Variants in FGD4 observed in about 807,000 individuals in gnomAD.
The protein encoded by FGD4 is FYVE, RhoGEF and PH domain-containing protein 4.
A neutral mutation model predicts 102.0 loss-of-function variants in FGD4; 42 were observed. That is an observed-to-expected ratio of 0.41 (90% CI 0.32 to 0.53). The LOEUF is 0.53. FGD4 is among the 20% of genes least tolerant of loss of function. The pLI, the probability that FGD4 is intolerant of heterozygous loss-of-function variation, is 0.21. For synonymous variants in FGD4, 380 were observed against 375.7 expected (o/e 1.01, Z -0.13); for missense variants, 902 against 1,078.2 (o/e 0.84, Z 2.29).
At chr12:32,429,782 C>G (rs1420294825) in intron 1 of FGD4, among the ~76,000 whole-genome samples, 1 of 152,150 alleles carries the variant, frequency 6.6e-6, no homozygotes, top group Non-Finnish European at 1.5e-5. Flanking sequence ...TGCTAATTAG[C>G]ATACATAATT....
chr12:32,483,717 ATCT>A (rs1943822069), intron 1 of FGD4, among the ~76,000 whole-genome samples: 1 of 152,150 alleles, frequency 6.6e-6, no homozygotes, highest in South Asian at 2.1e-4. Flanking sequence ...CTCATTTGAC[ATCT>A]TCACTCCAGC....
chr12:32,617,574 C>T (rs577131218), intron 10 of FGD4, among the ~76,000 whole-genome samples: 15 of 152,342 alleles, frequency 9.8e-5, no homozygotes, highest in African/African-American at 3.6e-4. Flanking sequence ...CAACCTAGGA[C>T]TTCTAGAAAT....
intron 1 of FGD4, among the ~76,000 whole-genome samples, chr12:32,453,241 T>A (rs1387428847): frequency 0.045 from 3,173 of 70,414 alleles, 131 homozygotes; most frequent in African/African-American, 0.11. Flanking sequence ...ATATATATTT[T>A]TTTTTTTTTA....
intron 1 of FGD4, among the ~76,000 whole-genome samples, chr12:32,496,630 G>T: frequency 6.6e-6 from 1 of 152,106 alleles, no homozygotes. Context: ...ACGTATTTTA[G>T]ATTTGTTAAT....
At chr12:32,409,318 C>T (rs2253235) in intron 1 of FGD4, among the ~76,000 whole-genome samples, 69,013 of 145,150 alleles carry the variant, frequency 0.48, 17,690 homozygotes, top group African/African-American at 0.68. Flanking sequence ...GTTGAAGTCT[C>T]ACTCTTGTCC....
At chr12:32,466,388 A>G (rs1381631221) in intron 1 of FGD4, among the ~76,000 whole-genome samples, 2 of 152,112 alleles carry the variant, frequency 1.3e-5, no homozygotes, top group Non-Finnish European at 2.9e-5. Flanking sequence ...AGGACAGCCA[A>G]TGATGCAAAA....
At chr12:32,610,109 T>TA (rs746210705) in intron 8 of FGD4, among the ~76,000 whole-genome samples, 3 of 152,226 alleles carry the variant, frequency 2.0e-5, no homozygotes, top group Admixed American at 6.5e-5. Context: ...CTCATACAAC[T>TA]AGTAAAATAC....
At chr12:32,598,105 T>G (rs1405874763) in intron 4 of FGD4, among the ~76,000 whole-genome samples, 7 of 152,198 alleles carry the variant, frequency 4.6e-5, no homozygotes. Flanking sequence ...AATAAAATAT[T>G]TTTTAAAAAT....
rs764833051 is a variant in FGD4 at position 32,601,369 on chromosome 12, A to G, written c.1193A>G (p.Asn398Ser). 1 of 1,614,172 alleles carries G rather than the reference A, an allele frequency of 6.2e-7. No homozygotes were observed. Among genetic ancestry groups the G allele is most frequent in the Non-Finnish European group, 8.5e-7 (1 of 1,180,012 alleles). ...NKIFSNISSI[N>S]AFHSKFLLPE... is the part of the protein sequence containing the mutation. ...ATCTTTTCTAATATTTCATCAATAA[A>G]TGCCTTCCATAGTAAATTCCTCTTG... The change falls in exon 6 of 17, where the codon AAT becomes AGT. Residue 398 changes from asparagine (N) to serine (S), a missense_variant. Physicochemically the swap from Asn to Ser is conservative, Grantham distance 46. Around this residue, in one of 2 missense-constraint regions of FGD4, gnomAD observed 459 missense variants for 619.0 expected, o/e 0.74. Coordinates refer to ENST00000534526, the MANE Select transcript of FGD4 (RefSeq NM_001370298.3).
chr12:32,502,265 A>G, intron 1 of FGD4: 1 of 985,470 alleles, frequency 1.0e-6, no homozygotes, highest in Admixed American at 6.1e-5. Flanking sequence ...GCTCGCTGGA[A>G]GAACAAATGA....
chr12:32,433,868 A>T (rs2062603), intron 1 of FGD4, among the ~76,000 whole-genome samples: 59,397 of 150,858 alleles, frequency 0.39, 12,211 homozygotes, highest in African/African-American at 0.5. Flanking sequence ...TATTATTATT[A>T]TTTTTTGAGA....
chr12:32,410,526 T>C (rs565275622), intron 1 of FGD4, among the ~76,000 whole-genome samples: 1 of 152,086 alleles, frequency 6.6e-6, no homozygotes, highest in Non-Finnish European at 1.5e-5. Flanking sequence ...TTGCAGGGCA[T>C]TGTCTTGAAT....
chr12:32,583,689 G>A (rs1946791263), intron 4 of FGD4, among the ~76,000 whole-genome samples: 1 of 152,180 alleles, frequency 6.6e-6, no homozygotes, highest in South Asian at 2.1e-4. Context: ...TGATTTGCTG[G>A]TGAAACATAT....
intron 10 of FGD4, among the ~76,000 whole-genome samples, chr12:32,618,055 C>T (rs899122077): frequency 6.6e-6 from 1 of 152,176 alleles, no homozygotes; most frequent in African/African-American, 2.4e-5. Context: ...GAGAAACATA[C>T]ACATTTATAA....
Position 32,607,996 on chromosome 12 carries a change from A to C in FGD4, c.1444A>C (p.Met482Leu). 6.2e-7 allele frequency: 1 copy of C among 1,614,246 alleles called. No homozygotes were observed. The change falls in exon 8 of 17, where the codon ATG (methionine) becomes CTG (leucine). Residue 482 changes from methionine to leucine, a missense_variant. Coordinates refer to ENST00000534526, the MANE Select transcript of FGD4 (RefSeq NM_001370298.3). ...ICGSLTLQHH[M>L]LEPVQRIPRY... ...TGGGAGCTTAACTTTGCAGCATCACATGCTAGAACCTGTTCAGCGGATTCC... is the reference window on the plus strand; with the variant it reads ...TGGGAGCTTAACTTTGCAGCATCACCTGCTAGAACCTGTTCAGCGGATTCC...
intron 3 of FGD4, among the ~76,000 whole-genome samples, chr12:32,576,718 C>T (rs1341990635): frequency 6.6e-6 from 1 of 152,140 alleles, no homozygotes; most frequent in Non-Finnish European, 1.5e-5. Context: ...TGCTTTCTCT[C>T]GTTTCCTCTG....
chr12:32,418,506 T>C (rs1941508273), intron 1 of FGD4, among the ~76,000 whole-genome samples: 1 of 152,032 alleles, frequency 6.6e-6, no homozygotes, highest in Admixed American at 6.6e-5. Context: ...TCTGGAAGAA[T>C]TCTCTGGATT....
intron 1 of FGD4, among the ~76,000 whole-genome samples, chr12:32,409,257 C>G (rs1235706151): frequency 6.6e-6 from 1 of 151,514 alleles, no homozygotes; most frequent in Non-Finnish European, 1.5e-5. Flanking sequence ...TTCTATATAA[C>G]TCTTTCCTCC....
At chr12:32,474,111 C>T (rs1461264320) in intron 1 of FGD4, among the ~76,000 whole-genome samples, 10 of 151,468 alleles carry the variant, frequency 6.6e-5, no homozygotes, top group South Asian at 2.1e-4. Flanking sequence ...AAAAAGTATT[C>T]GGGGCTGTGG....
Sources: allele counts gnomAD v4.1 joint callset (sites outside exome capture counted in the v4.1 genomes callset), GRCh38; gene constraint gnomAD v4.1.1; regional missense constraint gnomAD v4.1.1; transcripts MANE v1.5; gene names NCBI Gene and HGNC (gene_info 2026-07-23, HGNC 2026-07-21).